CFAP68: variants seen among roughly 807,000 people sequenced by gnomAD.
CFAP68 encodes the protein cilia and flagella associated protein 68.
the CFAP68 span, chr11:111,879,706 A>G: frequency 0.29 from 376,435 of 1,310,258 alleles, 55,237 homozygotes; most frequent in Middle Eastern, 0.35. Context: ...GGATGAACAA[A>G]ATGTGGCCTA....
At chr11:111,880,029 C>A in the CFAP68 span, among the ~76,000 whole-genome samples, 1 of 152,106 alleles carries the variant, frequency 6.6e-6, no homozygotes, top group African/African-American at 2.4e-5. Flanking sequence ...AAGAGTTAGG[C>A]AGGGGCCAGG....
chr11:111,884,034 A>G, the CFAP68 span: 3 of 543,846 alleles, frequency 5.5e-6, no homozygotes, highest in Admixed American at 3.6e-5. Context: ...ACTGTAACAC[A>G]GTTTCACTCT....
At chr11:111,881,994 C>T in the CFAP68 span, among the ~76,000 whole-genome samples, 1 of 152,178 alleles carries the variant, frequency 6.6e-6, no homozygotes, top group Non-Finnish European at 1.5e-5. Flanking sequence ...AGTTACTCAA[C>T]TCTCACTTCT....
the CFAP68 span, chr11:111,881,236 T>C: frequency 5.8e-6 from 8 of 1,371,570 alleles, no homozygotes; most frequent in Non-Finnish European, 7.5e-6. Flanking sequence ...CACCTAGATC[T>C]CCAGTATGAG....
the CFAP68 span, chr11:111,881,585 C>T: frequency 6.5e-7 from 1 of 1,535,830 alleles, no homozygotes; most frequent in Non-Finnish European, 8.7e-7. Flanking sequence ...GCTCAACCTA[C>T]TCAGCATCAA....
the CFAP68 span, among the ~76,000 whole-genome samples, chr11:111,882,795 C>A: frequency 6.6e-6 from 1 of 152,312 alleles, no homozygotes; most frequent in African/African-American, 2.4e-5. Flanking sequence ...ATTTTATTAT[C>A]TGTAAGGTTT....
At chr11:111,879,571 C>T in the CFAP68 span, 87 of 1,614,182 alleles carry the variant, frequency 5.4e-5, no homozygotes, top group South Asian at 5.4e-4. Flanking sequence ...ATGGCTGCCT[C>T]CCAGTGTCTC....
At chr11:111,880,989 T>C in the CFAP68 span, 1 of 323,868 alleles carries the variant, frequency 3.1e-6, no homozygotes, top group African/African-American at 2.2e-5. Flanking sequence ...GGAACAAGGC[T>C]GATGGCATGG....
At chr11:111,885,138 C>T in the CFAP68 span, 39,841 of 144,710 alleles carry the variant, frequency 0.28, 5,526 homozygotes, top group Admixed American at 0.36. Context: ...GCGACAAGAG[C>T]GAAACTCCGT....
chr11:111,882,557 G>A, the CFAP68 span: 1 of 1,612,506 alleles, frequency 6.2e-7, no homozygotes, highest in Admixed American at 1.7e-5. Context: ...GGAAAGATAT[G>A]ACCTGAGGAA....
the CFAP68 span, among the ~76,000 whole-genome samples, chr11:111,883,444 T>G: frequency 4.0e-5 from 6 of 151,824 alleles, no homozygotes; most frequent in African/African-American, 1.2e-4. Flanking sequence ...AATACAAAAA[T>G]TAGCTGGGCT....
chr11:111,880,774 G>T, the CFAP68 span: 2 of 456,042 alleles, frequency 4.4e-6, no homozygotes, highest in Non-Finnish European at 8.8e-6. Context: ...ATTATTTCTT[G>T]TGTCTCTTGG....
At chr11:111,882,998 G>T in the CFAP68 span, 1 of 718,760 alleles carries the variant, frequency 1.4e-6, no homozygotes, top group Non-Finnish European at 2.4e-6. Flanking sequence ...GTGAAAGTTA[G>T]AAGGATATAG....
the CFAP68 span, chr11:111,881,596 G>T: frequency 6.5e-7 from 1 of 1,535,066 alleles, no homozygotes; most frequent in South Asian, 1.2e-5. Flanking sequence ...TCAGCATCAA[G>T]TTACTCTTCT....
chr11:111,879,909 CAAGAGGCGTG>C, the CFAP68 span, among the ~76,000 whole-genome samples: 16 of 152,222 alleles, frequency 1.1e-4, no homozygotes, highest in African/African-American at 3.9e-4. Context: ...TTAACTGAGT[CAAGAGGCGTG>C]AAGAGGCAGA....
At chr11:111,881,286 T>C in the CFAP68 span, 3 of 1,422,954 alleles carry the variant, frequency 2.1e-6, no homozygotes, top group African/African-American at 4.3e-5. Context: ...GCTACTCTGG[T>C]CATCATGTTG....
the CFAP68 span, among the ~76,000 whole-genome samples, chr11:111,882,969 A>G: frequency 1.6e-4 from 25 of 152,330 alleles, no homozygotes; most frequent in South Asian, 4.8e-3. Flanking sequence ...GCTCCTAAAC[A>G]AACAAACGTA....
At chr11:111,881,575 G>A in the CFAP68 span, 19 of 1,535,880 alleles carry the variant, frequency 1.2e-5, no homozygotes, top group Middle Eastern at 1.7e-4. Flanking sequence ...TCTTCAAAGA[G>A]CTCAACCTAC....
the CFAP68 span, chr11:111,883,239 G>T: frequency 6.7e-7 from 1 of 1,496,784 alleles, no homozygotes; most frequent in African/African-American, 1.4e-5. Flanking sequence ...TACATTTTCA[G>T]AACCTAACTC....
Sources: allele counts gnomAD v4.1 joint callset (sites outside exome capture counted in the v4.1 genomes callset), GRCh38; gene constraint gnomAD v4.1.1; transcripts MANE v1.5; gene names NCBI Gene and HGNC (gene_info 2026-07-23, HGNC 2026-07-21).